Variants in FARP1 observed in about 807,000 individuals in gnomAD.
FARP1 encodes the protein FERM, ARH/RhoGEF and pleckstrin domain protein 1.
Under a neutral mutation model 128.8 loss-of-function variants are expected in FARP1, and 52 were observed. The ratio of observed to expected loss-of-function variants is 0.40; its 90% CI spans 0.32 to 0.51. The LOEUF is 0.51. FARP1 is among the 20% of genes least tolerant of loss of function. The pLI is 0.45. For missense variants in FARP1, 1,333 were observed against 1,367.9 expected (o/e 0.97, Z 0.40); for synonymous variants, 580 against 551.8 (o/e 1.05, Z -0.72).
intron 13 of FARP1, chr13:98,402,962 T>G (rs1890832105): frequency 6.6e-6 from 1 of 152,224 alleles, no homozygotes; most frequent in African/African-American, 2.4e-5. Flanking sequence ...GTTGTTCCAT[T>G]GTATGCAGTG....
chr13:98,367,522 A>T (rs1387663142), intron 4 of FARP1, among the ~76,000 whole-genome samples: 3 of 149,870 alleles, frequency 2.0e-5, no homozygotes, highest in East Asian at 2.0e-4. Flanking sequence ...AAAGTTGTTC[A>T]TCTTATTCAA....
chr13:98,379,835 A>G (rs1341760764), intron 6 of FARP1, among the ~76,000 whole-genome samples: 2 of 152,158 alleles, frequency 1.3e-5, no homozygotes, highest in Non-Finnish European at 2.9e-5. Flanking sequence ...TTTCCTAAGT[A>G]TTTTCAATGC....
intron 24 of FARP1, 30 bp from the exon 25 acceptor site, chr13:98,446,068 G>C: frequency 6.7e-7 from 1 of 1,503,382 alleles, no homozygotes; most frequent in Non-Finnish European, 9.3e-7. Context: ...GGTGCCCGCT[G>C]TGCTTCTCAC....
intron 4 of FARP1, among the ~76,000 whole-genome samples, chr13:98,366,135 G>A (rs991590608): frequency 2.0e-5 from 3 of 152,082 alleles, no homozygotes; most frequent in Non-Finnish European, 4.4e-5. Context: ...CTTCAATGTA[G>A]TCAGAGTCTG....
At chr13:98,306,528 GT>G (rs1220738527) in intron 2 of FARP1, among the ~76,000 whole-genome samples, 1 of 146,838 alleles carries the variant, frequency 6.8e-6, no homozygotes, top group Admixed American at 7.1e-5. Flanking sequence ...TTTCTTTTTT[GT>G]TTTGAGAAAG....
intron 2 of FARP1, among the ~76,000 whole-genome samples, chr13:98,248,695 A>C (rs1387315642): frequency 6.6e-6 from 1 of 151,844 alleles, no homozygotes; most frequent in Non-Finnish European, 1.5e-5. Context: ...TGAGTTGCCC[A>C]ATGTGCACAT....
chr13:98,251,192 A>G (rs1243375420), intron 2 of FARP1, among the ~76,000 whole-genome samples: 1 of 152,234 alleles, frequency 6.6e-6, no homozygotes, highest in African/African-American at 2.4e-5. Context: ...TAGAACTGGA[A>G]GACCTGGATG....
intron 2 of FARP1, among the ~76,000 whole-genome samples, chr13:98,309,565 T>C (rs1886358386): frequency 6.6e-6 from 1 of 152,012 alleles, no homozygotes; most frequent in Admixed American, 6.6e-5. Context: ...AGAGATGGGA[T>C]AGAGAGAAGC....
chr13:98,322,516 A>G (rs1286665733), intron 2 of FARP1, among the ~76,000 whole-genome samples: 5 of 152,270 alleles, frequency 3.3e-5, no homozygotes, highest in African/African-American at 1.2e-4. Context: ...AAGAGCCACC[A>G]TGCTGCACCA....
chr13:98,232,801 G>A (rs1054032757), intron 2 of FARP1, among the ~76,000 whole-genome samples: 4 of 152,168 alleles, frequency 2.6e-5, no homozygotes, highest in African/African-American at 7.2e-5. Flanking sequence ...TGAGAAAGCT[G>A]CGGTTTGAAA....
At chr13:98,208,496 G>GCCT (rs1566742041) in intron 1 of FARP1, 3 of 131,236 alleles carry the variant, frequency 2.3e-5, no homozygotes, top group African/African-American at 7.9e-5. Flanking sequence ...AAAAAAAGCA[G>GCCT]TTCTCAGATC....
In FARP1 at chr13:98,394,795, G is replaced by A. The variant is rs72632683; in HGVS notation, c.1165-432G>A. On this transcript the variant is annotated intron_variant, in intron 12 of 26. Coordinates refer to ENST00000319562, the MANE Select transcript of FARP1 (RefSeq NM_005766.4). ...ACAAAAAAAATTTTTTTAATTAGCC[G>A]GACATGGTGGCGCAGGACTGTGGTC... Among the ~76,000 whole-genome samples the A allele has an allele frequency of 6.8e-4, 103 of 152,216 alleles. 2 individuals carry two copies. In the East Asian group the frequency reaches 0.017, roughly 25 times the overall value.
At position 98,452,908 on chromosome 13, in the gene FARP1, T is replaced by G; in HGVS notation, c.*4591T>G. The stretch of plus-strand genomic sequence containing the variant: ...AGACACTTTCCTGGAATATGTGCAC[T>G]ATGGTTAAAATTAAAAACAAAAGTA... On this transcript the variant is annotated 3_prime_UTR_variant, in exon 27 of 27. Transcript: ENST00000319562. 2 of 391,484 alleles carry G rather than the reference T, an allele frequency of 5.1e-6. No homozygotes were observed. The highest frequency in any genetic ancestry group is 6.1e-5 in the South Asian group (1 of 16,528). 24.3% of individuals were successfully genotyped at this position (391,484 alleles called of 1,614,324 possible). A position where few individuals can be genotyped will look rare whatever the true frequency, so the allele number is the denominator to read the frequency against.
At chr13:98,332,985 G>A (rs1887574197) in intron 2 of FARP1, 1 of 152,190 alleles carries the variant, frequency 6.6e-6, no homozygotes, top group East Asian at 1.9e-4. Context: ...ATTAGTATAT[G>A]ATACCAGGTG....
At chr13:98,379,981 T>A (rs953763045) in intron 6 of FARP1, among the ~76,000 whole-genome samples, 1 of 152,214 alleles carries the variant, frequency 6.6e-6, no homozygotes, top group African/African-American at 2.4e-5. Context: ...CCAAACAACA[T>A]GAAACTTTAA....
At chr13:98,246,844 T>C (rs1055175086) in intron 2 of FARP1, among the ~76,000 whole-genome samples, 2 of 152,198 alleles carry the variant, frequency 1.3e-5, no homozygotes, top group African/African-American at 2.4e-5. Context: ...ATCCAGCTGT[T>C]CCTTGAGCCC....
intron 5 of FARP1, among the ~76,000 whole-genome samples, chr13:98,371,614 T>C (rs1889335590): frequency 6.6e-6 from 1 of 152,076 alleles, no homozygotes; most frequent in Non-Finnish European, 1.5e-5. Context: ...ATAGAGAACC[T>C]CATGGGGCCG....
rs199728514 is a variant in FARP1, at chr13:98,439,196, G to A, written c.2433G>A (p.Thr811=). The stretch of plus-strand genomic sequence containing the variant: ...GGCAGCTCCCGCTCTATGGCATGAC[G>A]GTGAGTACAGCACAGGCTCGTGGCC... ...VHGQLPLYGM[T]IEESEDEWGV... is the part of the protein sequence containing the mutation. Residue 811 remains threonine, a splice_region_variant and synonymous_variant, in exon 21 of 27, where the codon ACG becomes ACA. Coordinates refer to ENST00000319562, the MANE Select transcript of FARP1 (RefSeq NM_005766.4). The A allele has an allele frequency of 8.3e-5, 133 of 1,609,964 alleles. No individual in the cohort carries two copies. The highest frequency in any genetic ancestry group is 1.3e-4 in the South Asian group (12 of 90,622).
At chr13:98,384,433 T>C (rs1890020620) in intron 6 of FARP1, 4 of 342,542 alleles carry the variant, frequency 1.2e-5, no homozygotes, top group African/African-American at 2.0e-5. Flanking sequence ...CCTCAAGTGA[T>C]CCACCCGTCC....
Sources: gnomAD v4.1 joint callset for allele counts (sites outside exome capture counted in the v4.1 genomes callset) on GRCh38, gnomAD v4.1.1 for gene constraint, MANE v1.5 for transcripts, NCBI Gene and HGNC (gene_info 2026-07-23, HGNC 2026-07-21) for gene names.